UST: variants seen among roughly 807,000 people sequenced by gnomAD.
UST encodes uronyl 2-sulfotransferase.
In UST, 21 loss-of-function variants were observed where a neutral mutation model predicts 45.6. The observed-to-expected ratio is 0.46, with a 90% confidence interval of 0.33 to 0.66. The LOEUF is 0.66. Ranked by LOEUF, UST falls within the 30% of genes least tolerant of loss-of-function variation. UST has a pLI of 0.02. For missense variants in UST, 463 were observed against 512.4 expected, an observed-to-expected ratio of 0.90 and a Z score of 0.93; for synonymous variants, 215 against 200.6, an observed-to-expected ratio of 1.07 and a Z score of -0.61.
chr6:148,840,509 T>G (rs1222393775), intron 1 of UST, among the ~76,000 whole-genome samples: 1 of 152,130 alleles, frequency 6.6e-6, no homozygotes, highest in Non-Finnish European at 1.5e-5. Context: ...TACAGTTGGG[T>G]CTCGGTATCT....
At chr6:149,041,675 G>A (rs1183581223) in intron 7 of UST, among the ~76,000 whole-genome samples, 1 of 152,132 alleles carries the variant, frequency 6.6e-6, no homozygotes, top group Non-Finnish European at 1.5e-5. Flanking sequence ...TCCCACAACT[G>A]GAGACCATGA....
chr6:149,040,457 C>T (rs903251231), intron 7 of UST, among the ~76,000 whole-genome samples: 3 of 152,106 alleles, frequency 2.0e-5, no homozygotes, highest in African/African-American at 7.2e-5. Flanking sequence ...GAGTTCAAGA[C>T]CAGCCTGGCC....
chr6:148,866,222 A>C (rs1313676971), intron 1 of UST, among the ~76,000 whole-genome samples: 5 of 147,076 alleles, frequency 3.4e-5, no homozygotes, highest in African/African-American at 1.3e-4. Context: ...TAGTTTAGAA[A>C]ACCTACGATG....
At chr6:148,880,578 C>T (rs1309052839) in intron 1 of UST, among the ~76,000 whole-genome samples, 1 of 152,226 alleles carries the variant, frequency 6.6e-6, no homozygotes, top group African/African-American at 2.4e-5. Context: ...GGATGTAACG[C>T]CTTTGTACCT....
At chr6:148,930,970 G>A (rs1240537502) in intron 2 of UST, among the ~76,000 whole-genome samples, 1 of 152,212 alleles carries the variant, frequency 6.6e-6, no homozygotes, top group Non-Finnish European at 1.5e-5. Context: ...CAAGCTTTTG[G>A]TCTTAAAATC....
intron 5 of UST, among the ~76,000 whole-genome samples, chr6:149,017,695 G>A (rs568411649): frequency 6.6e-6 from 1 of 152,100 alleles, no homozygotes; most frequent in South Asian, 2.1e-4. Flanking sequence ...GTGTGTGAAT[G>A]TACCATAATT....
Position 148,880,144 on chromosome 6 carries a change from G to A in UST, c.248-6842G>A, listed in dbSNP as rs552822143. Among the ~76,000 whole-genome samples the A allele has an allele frequency of 2.1e-5, 3 of 142,142 alleles. No individual in the cohort carries two copies. In the South Asian group the frequency reaches 7.9e-4, roughly 38 times the overall value. The allele number at this position is 142,142 out of a possible 152,430, so 93.3% of individuals were successfully genotyped here. A position where few individuals can be genotyped will look rare whatever the true frequency, so the allele number is the denominator to read the frequency against. On this transcript the variant is annotated intron_variant, in intron 1 of 7. Transcript: ENST00000367463. ...TAATTTTTGTATTTTTAGTGGAGAT[G>A]GGGTTTCACCATGTTGGCCAGGCTA...
chr6:148,824,078 AG>A (rs1300933717), intron 1 of UST, among the ~76,000 whole-genome samples: 2 of 152,242 alleles, frequency 1.3e-5, no homozygotes, highest in African/African-American at 4.8e-5. Context: ...TTGAAGATAT[AG>A]TTAATGTTCT....
intron 5 of UST, among the ~76,000 whole-genome samples, chr6:148,977,456 A>G (rs1781036620): frequency 6.6e-6 from 1 of 152,082 alleles, no homozygotes; most frequent in African/African-American, 2.4e-5. Flanking sequence ...GAACTTTAAA[A>G]TCAGCTTGTT....
At chr6:149,033,384 A>G (rs1776185898) in intron 7 of UST, among the ~76,000 whole-genome samples, 3 of 152,246 alleles carry the variant, frequency 2.0e-5, no homozygotes, top group African/African-American at 7.2e-5. Flanking sequence ...TCAAATAAAA[A>G]TATTTCTTGG....
intron 1 of UST, among the ~76,000 whole-genome samples, chr6:148,873,563 A>T (rs1778597576): frequency 6.6e-6 from 1 of 152,156 alleles, no homozygotes; most frequent in Admixed American, 6.5e-5. Context: ...AGGGATGAAG[A>T]TCTCACAAGC....
chr6:148,876,059 T>G (rs1467166379), intron 1 of UST, among the ~76,000 whole-genome samples: 1 of 152,202 alleles, frequency 6.6e-6, no homozygotes. Context: ...GAGGTTTAAT[T>G]GGTTCGTGGT....
At chr6:149,000,513 A>G (rs1429017917) in intron 5 of UST, among the ~76,000 whole-genome samples, 2 of 152,180 alleles carry the variant, frequency 1.3e-5, no homozygotes, top group Non-Finnish European at 2.9e-5. Context: ...GAGACAGATT[A>G]TGAATCTCCT....
chr6:148,933,617 G>A (rs367961763), intron 2 of UST, among the ~76,000 whole-genome samples: 14 of 152,276 alleles, frequency 9.2e-5, no homozygotes, highest in African/African-American at 2.6e-4. Context: ...TTCTGAGATC[G>A]GTTCTGTGTA....
intron 7 of UST, among the ~76,000 whole-genome samples, chr6:149,049,550 A>G (rs984199296): frequency 6.6e-6 from 1 of 152,232 alleles, no homozygotes; most frequent in Non-Finnish European, 1.5e-5. Context: ...ATTTTAAATT[A>G]TGGGAAAAGC....
At chr6:148,968,502 G>A (rs117858056) in intron 5 of UST, among the ~76,000 whole-genome samples, 3,838 of 152,332 alleles carry the variant, frequency 0.025, 80 homozygotes, top group Non-Finnish European at 0.038. Flanking sequence ...GGGGGTGGGA[G>A]TCCTCTGAAC....
chr6:149,073,963 C>T lies in UST; in HGVS notation c.1068C>T (p.His356=). ...ACCACTACGTCAAAGAGCAGTTCCACCTGCTGAAGCGCAAGTTTGGACTTA... is the reference window on the plus strand; with the variant it reads ...ACCACTACGTCAAAGAGCAGTTCCATCTGCTGAAGCGCAAGTTTGGACTTA... ...EFYHYVKEQF[H]LLKRKFGLKS... Residue 356 remains histidine (H), a synonymous_variant, in exon 8 of 8, where the codon CAC becomes CAT. Transcript: ENST00000367463. The T allele has an allele frequency of 6.2e-7, 1 of 1,614,206 alleles. No individual in the cohort carries two copies. The highest frequency in any genetic ancestry group is 8.5e-7 in the Non-Finnish European group (1 of 1,180,034).
At chr6:148,854,804 GC>G (rs1332538509) in intron 1 of UST, among the ~76,000 whole-genome samples, 1 of 152,136 alleles carries the variant, frequency 6.6e-6, no homozygotes, top group Non-Finnish European at 1.5e-5. Flanking sequence ...CATTTTAGAA[GC>G]CTCTGTTGCT....
At chr6:148,797,928 G>C (rs1776983176) in intron 1 of UST, among the ~76,000 whole-genome samples, 1 of 152,164 alleles carries the variant, frequency 6.6e-6, no homozygotes, top group African/African-American at 2.4e-5. Flanking sequence ...AGTTTGTAAA[G>C]AGCACACCAG....
Sources: allele counts gnomAD v4.1 joint callset (sites outside exome capture counted in the v4.1 genomes callset), GRCh38; gene constraint gnomAD v4.1.1; transcripts MANE v1.5; gene names NCBI Gene and HGNC (gene_info 2026-07-23, HGNC 2026-07-21).